Variants in SLC41A1 observed in about 807,000 individuals in gnomAD.
The protein encoded by SLC41A1 is solute carrier family 41 (magnesium transporter), member 1.
A neutral mutation model predicts 47.3 loss-of-function variants in SLC41A1; 20 were observed. That is an observed-to-expected ratio of 0.42 (90% CI 0.30 to 0.61). The LOEUF (loss-of-function observed/expected upper bound fraction) is 0.61, where lower values mean the gene tolerates loss of function less well. Ranked by LOEUF, SLC41A1 falls within the 20% of genes least tolerant of loss-of-function variation. The pLI is 0.17. For missense variants in SLC41A1, 504 were observed against 674.1 expected (o/e 0.75, Z 2.79); for synonymous variants, 282 against 272.7 (o/e 1.03, Z -0.34).
rs1436551629 is a variant in SLC41A1 at position 205,812,903 on chromosome 1, T to C, written c.-742A>G. The C allele has an allele frequency of 5.1e-6, 5 of 984,880 alleles. No homozygotes were observed. Among genetic ancestry groups the C allele is most frequent in the Non-Finnish European group, 6.0e-6 (5 of 829,918 alleles). The allele number at this position is 984,880 out of a possible 1,614,324, so 61.0% of individuals were successfully genotyped here. On this transcript the variant is annotated 5_prime_UTR_variant, in exon 1 of 11. Transcript: ENST00000367137. ...GGGCACCCCCTCTTCTCATCACTCC[T>C]CCTCGACAGTCCTCCTTGGCCCCCG...
At chr1:205,804,306 G>A (rs1220260024) in intron 2 of SLC41A1, among the ~76,000 whole-genome samples, 1 of 152,114 alleles carries the variant, frequency 6.6e-6, no homozygotes, top group Non-Finnish European at 1.5e-5. Flanking sequence ...CCTGGGGAAG[G>A]ACTCATTTCA....
intron 2 of SLC41A1, among the ~76,000 whole-genome samples, chr1:205,808,824 G>C (rs1656075767): frequency 6.6e-6 from 1 of 152,200 alleles, no homozygotes. Flanking sequence ...AAGGTGCAGG[G>C]TTCCCCTGAA....
intron 2 of SLC41A1, among the ~76,000 whole-genome samples, chr1:205,803,374 T>C (rs962579638): frequency 1.3e-5 from 2 of 152,214 alleles, no homozygotes; most frequent in African/African-American, 4.8e-5. Context: ...ATGCCCATGT[T>C]CATAGTAGCA....
At chr1:205,807,781 C>T (rs1656049605) in intron 2 of SLC41A1, among the ~76,000 whole-genome samples, 1 of 149,188 alleles carries the variant, frequency 6.7e-6, no homozygotes, top group Non-Finnish European at 1.5e-5. Context: ...CTCAGCCTCT[C>T]AAAGTGCTGG....
At chr1:205,799,336 G>A (rs189208613) in intron 4 of SLC41A1, among the ~76,000 whole-genome samples, 2 of 152,370 alleles carry the variant, frequency 1.3e-5, no homozygotes, top group East Asian at 3.9e-4. Context: ...CTGGCTGAAT[G>A]AGTGTGCCTC....
chr1:205,795,049 G>A, intron 9 of SLC41A1, 31 bp from the exon 10 acceptor site: 2 of 1,611,566 alleles, frequency 1.2e-6, no homozygotes, highest in Non-Finnish European at 1.7e-6. Flanking sequence ...GTGTAAAGAG[G>A]AGGGGAGGAG....
chr1:205,808,829 C>T (rs1656075970), intron 2 of SLC41A1, among the ~76,000 whole-genome samples: 1 of 152,208 alleles, frequency 6.6e-6, no homozygotes, highest in Non-Finnish European at 1.5e-5. Flanking sequence ...GCAGGGTTCC[C>T]CTGAAGGGCT....
Position 205,795,004 on chromosome 1 carries a change from A to C in SLC41A1, c.1222T>G (p.Ser408Ala), listed in dbSNP as rs779138656. 1 of 1,613,992 alleles carries C rather than the reference A, an allele frequency of 6.2e-7. No individual in the cohort carries two copies. Among genetic ancestry groups the C allele is most frequent in the East Asian group, 2.2e-5 (1 of 44,884 alleles). ...ACGAGGAGGAAGAGGACCCGGGCTG[A>C]GCGAGAATTCACATCTGGAATTGGG... ...TFFSPDVNSR[S>A]ARVLFLLVVP... is the part of the protein sequence containing the mutation. Residue 408 changes from serine to alanine, a missense_variant, in exon 10 of 11, where the codon TCA becomes GCA. Transcript: ENST00000367137.
At chr1:205,798,622 C>T in intron 6 of SLC41A1, 47 bp downstream of exon 6, 1 of 1,613,996 alleles carries the variant, frequency 6.2e-7, no homozygotes, top group Non-Finnish European at 8.5e-7. Flanking sequence ...TACCATCTCT[C>T]CCAACCCCAC....
Position 205,791,124 on chromosome 1 carries a change from C to A in SLC41A1, c.*409G>T. 3.6e-6 allele frequency: 1 copy of A among 275,714 alleles called. No homozygotes were observed. The highest frequency in any genetic ancestry group is 3.9e-5 in the South Asian group (1 of 25,834). The allele number at this position is 275,714 out of a possible 1,614,324, so 17.1% of individuals were successfully genotyped here. A position where few individuals can be genotyped will look rare whatever the true frequency, so the allele number is the denominator to read the frequency against. The stretch of plus-strand genomic sequence containing the variant: ...TGTTCAACCAAAACCAAAAATAAAA[C>A]AAAACAGATAAAAAGAAAACAAAAC... On this transcript the variant is annotated 3_prime_UTR_variant, in exon 11 of 11. Transcript: ENST00000367137. The surrounding 1 kb of genome is among the most constrained non-coding windows in gnomAD (Gnocchi z 4.0).
chr1:205,791,794 A>G lies in SLC41A1; in HGVS notation c.1357-76T>C. 6.4e-7 allele frequency: 1 copy of G among 1,554,712 alleles called. No individual in the cohort carries two copies. The highest frequency in any genetic ancestry group is 1.2e-5 in the South Asian group (1 of 86,592). ...AGCCAGAGGCCACATGATCAGACCC[A>G]TTCAGTGCATCACAGGGCTTGGCTG... On this transcript the variant is annotated intron_variant, in intron 10 of 10. Transcript: ENST00000367137. The surrounding 1 kb of genome is among the most constrained non-coding windows in gnomAD (Gnocchi z 4.0).
Position 205,810,738 on chromosome 1 carries a change from TCTGTC to T in SLC41A1, c.-302_-298del. 2.1e-6 allele frequency: 1 copy of T among 467,832 alleles called. No homozygotes were observed. The highest frequency in any genetic ancestry group is 2.2e-5 in the South Asian group (1 of 46,440). The allele number at this position is 467,832 out of a possible 1,614,324, so 29.0% of individuals were successfully genotyped here. A position where few individuals can be genotyped will look rare whatever the true frequency, so the allele number is the denominator to read the frequency against. ...CAGCTCTGTGCTTGAAGAAAAAGTATCTGTCCTCTTATCTTCTTTGGTTCTCAGTG... is the reference window on the plus strand; with the variant it reads ...CAGCTCTGTGCTTGAAGAAAAAGTATCTCTTATCTTCTTTGGTTCTCAGTG... On this transcript the variant is annotated 5_prime_UTR_variant, in exon 2 of 11. It removes the in-frame stop codon of an upstream open reading frame in the 5' UTR. Transcript: ENST00000367137. This position sits in a 1 kb window ranked among gnomAD's most constrained non-coding sequence, Gnocchi z 5.5.
At chr1:205,805,245 C>T (rs1311040274) in intron 2 of SLC41A1, among the ~76,000 whole-genome samples, 1 of 152,226 alleles carries the variant, frequency 6.6e-6, no homozygotes, top group Non-Finnish European at 1.5e-5. Flanking sequence ...AAGCCAATTC[C>T]TACACACATA....
chr1:205,812,950 G>A lies in SLC41A1; in HGVS notation c.-789C>T. 1 of 985,670 alleles carries A rather than the reference G, an allele frequency of 1.0e-6. No homozygotes were observed. Among genetic ancestry groups the A allele is most frequent in the Non-Finnish European group, 1.2e-6 (1 of 830,156 alleles). The allele number at this position is 985,670 out of a possible 1,614,324, so 61.1% of individuals were successfully genotyped here. On this transcript the variant is annotated 5_prime_UTR_variant, in exon 1 of 11. Coordinates refer to ENST00000367137, the MANE Select transcript of SLC41A1 (RefSeq NM_173854.6). ...CCCGGCGTGCCCCCCCACACCCCCA[G>A]CCAAGGCGAGCGTCCAGCCGCGACA... is the stretch of plus-strand genomic sequence containing the variant.
At chr1:205,792,620 T>C (rs1393209951) in intron 10 of SLC41A1, among the ~76,000 whole-genome samples, 1 of 152,156 alleles carries the variant, frequency 6.6e-6, no homozygotes, top group Non-Finnish European at 1.5e-5. Flanking sequence ...AAGATTTACA[T>C]GCGCTTTTAA....
At chr1:205,796,868 C>T (rs1655761313) in intron 8 of SLC41A1, 56 bp downstream of exon 8, 1 of 1,557,720 alleles carries the variant, frequency 6.4e-7, no homozygotes, top group Admixed American at 1.8e-5. Flanking sequence ...GTCCTCTTCT[C>T]CTGTCCCTTT....
chr1:205,792,018 CTA>C (rs1480336960), intron 10 of SLC41A1, among the ~76,000 whole-genome samples: 1 of 152,188 alleles, frequency 6.6e-6, no homozygotes, highest in Non-Finnish European at 1.5e-5. Flanking sequence ...GCTTCCTGAC[CTA>C]AATCCTACTT....
At chr1:205,798,316 G>A (rs1003438986) in intron 6 of SLC41A1, among the ~76,000 whole-genome samples, 2 of 152,116 alleles carry the variant, frequency 1.3e-5, no homozygotes, top group African/African-American at 4.8e-5. Context: ...GAGACTCTAG[G>A]TCTCTTGATT....
intron 10 of SLC41A1, among the ~76,000 whole-genome samples, chr1:205,793,580 G>A (rs1655673323): frequency 6.6e-6 from 1 of 152,238 alleles, no homozygotes; most frequent in African/African-American, 2.4e-5. Flanking sequence ...TGGGGGTGAG[G>A]GGGCTGGAGG....
Sources: gnomAD v4.1 joint callset for allele counts (sites outside exome capture counted in the v4.1 genomes callset) on GRCh38, gnomAD v4.1.1 for gene constraint, Gnocchi (gnomAD v3.1) non-coding constraint, MANE v1.5 for transcripts, NCBI Gene and HGNC (gene_info 2026-07-23, HGNC 2026-07-21) for gene names.